The following TNFRSF11A variants were observed in gnomAD, a reference collection of about 807,000 sequenced individuals.
TNFRSF11A encodes TNF receptor superfamily member 11a, also known as tumor necrosis factor receptor superfamily member 11A.
In TNFRSF11A, 32 loss-of-function variants were observed where a neutral mutation model predicts 55.7. The ratio of observed to expected loss-of-function variants is 0.57; its 90% CI spans 0.43 to 0.77. The LOEUF (loss-of-function observed/expected upper bound fraction) is 0.77, where lower values mean the gene tolerates loss of function less well. Ranked by LOEUF, TNFRSF11A falls within the 30% of genes least tolerant of loss-of-function variation. The pLI is 0.00. For synonymous variants in TNFRSF11A, 311 were observed against 331.0 expected (o/e 0.94, Z 0.65); for missense variants, 753 against 809.8 (o/e 0.93, Z 0.85).
chr18:62,334,307 T>A (rs2145246208), intron 1 of TNFRSF11A, among the ~76,000 whole-genome samples: 1 of 152,308 alleles, frequency 6.6e-6, no homozygotes, highest in East Asian at 1.9e-4. Context: ...ATGTCTTGAA[T>A]CACCACCACT....
At chr18:62,366,603 C>G in intron 7 of TNFRSF11A, 105 bp from the exon 8 acceptor site, 2 of 1,205,612 alleles carry the variant, frequency 1.7e-6, no homozygotes, top group Non-Finnish European at 2.5e-6. Context: ...TATATTTGTC[C>G]TATAACATGT....
chr18:62,348,304 C>A, intron 2 of TNFRSF11A, 55 bp downstream of exon 2: 1 of 1,513,038 alleles, frequency 6.6e-7, no homozygotes, highest in South Asian at 1.1e-5. Flanking sequence ...GTGAGGCTTT[C>A]ATTATTTTTT....
At chr18:62,352,454 G>A (rs915398481) in intron 3 of TNFRSF11A, among the ~76,000 whole-genome samples, 4 of 152,226 alleles carry the variant, frequency 2.6e-5, no homozygotes, top group African/African-American at 9.6e-5. Flanking sequence ...ACTCCACTGA[G>A]CAGAAGCATC....
At chr18:62,375,543 C>T (rs574661345) in intron 9 of TNFRSF11A, among the ~76,000 whole-genome samples, 5 of 152,238 alleles carry the variant, frequency 3.3e-5, no homozygotes, top group African/African-American at 1.2e-4. Context: ...AAGATTGGTT[C>T]GATAGCCTGA....
At position 62,358,231 on chromosome 18, in the gene TNFRSF11A, T is replaced by TG. The variant is rs1353077181; in HGVS notation, c.428-17_428-16insG. 2 of 1,602,550 alleles carry TG rather than the reference T, an allele frequency of 1.2e-6. No individual in the cohort carries two copies. The highest frequency in any genetic ancestry group is 1.7e-6 in the Non-Finnish European group (2 of 1,178,606). On this transcript the variant is annotated splice_polypyrimidine_tract_variant and intron_variant, in intron 4 of 9. Coordinates refer to ENST00000586569, the MANE Select transcript of TNFRSF11A (RefSeq NM_003839.4). ...TGTTTGTTCTGTCTGGGTTGTTTTT[T>TG]TTTTTTTTTCTCACAGTGCAGCTCA...
Position 62,390,039 on chromosome 18 carries a change from C to T in TNFRSF11A, c.*5005C>T, listed in dbSNP as rs1271300792. The T allele has an allele frequency of 6.6e-6, 1 of 152,234 alleles. No individual in the cohort carries two copies. The highest frequency in any genetic ancestry group is 1.5e-5 in the Non-Finnish European group (1 of 68,070). The allele number at this position is 152,234 out of a possible 1,614,324, so 9.4% of individuals were successfully genotyped here. Reference sequence around the variant, plus strand: ...GACAACCAAGCACTCACTGGCAGTTCCTAGAAGATTCCAGTAGTAGAGATC... The same window carrying T: ...GACAACCAAGCACTCACTGGCAGTTTCTAGAAGATTCCAGTAGTAGAGATC... On this transcript the variant is annotated 3_prime_UTR_variant, in exon 10 of 10. Coordinates refer to ENST00000586569, the MANE Select transcript of TNFRSF11A (RefSeq NM_003839.4).
In TNFRSF11A at chr18:62,383,224, T is replaced by C. The variant is rs1911421790; in HGVS notation, c.1568-1527T>C. On this transcript the variant is annotated intron_variant, in intron 9 of 9. Transcript: ENST00000586569. The surrounding 1 kb of genome is among the most constrained non-coding windows in gnomAD (Gnocchi z 4.2). ...AGGCACAGACCTCCTTCCAGGACTTTGGATTTGTTGCTCATACTTGAAATC... is the reference window on the plus strand; with the variant it reads ...AGGCACAGACCTCCTTCCAGGACTTCGGATTTGTTGCTCATACTTGAAATC... Among the ~76,000 whole-genome samples the C allele has an allele frequency of 6.6e-6, 1 of 152,204 alleles. No individual in the cohort carries two copies. Among genetic ancestry groups the C allele is most frequent in the Non-Finnish European group, 1.5e-5 (1 of 68,034 alleles).
At chr18:62,372,593 T>C (rs1021554985) in intron 9 of TNFRSF11A, among the ~76,000 whole-genome samples, 1 of 152,126 alleles carries the variant, frequency 6.6e-6, no homozygotes, top group East Asian at 1.9e-4. Context: ...TGCTGAGTTT[T>C]GGGGTATGAC....
chr18:62,335,649 C>G (rs2046221728), intron 1 of TNFRSF11A, among the ~76,000 whole-genome samples: 1 of 152,180 alleles, frequency 6.6e-6, no homozygotes, highest in Admixed American at 6.5e-5. Context: ...GCCCCGTGTT[C>G]AGTCCTTATT....
At chr18:62,372,489 T>TTA (rs1555775389) in intron 9 of TNFRSF11A, among the ~76,000 whole-genome samples, 3 of 151,652 alleles carry the variant, frequency 2.0e-5, no homozygotes. Flanking sequence ...TTTTTTTTTT[T>TTA]ATCTTTTAAA....
chr18:62,362,455 A>C (rs1334833952), intron 7 of TNFRSF11A, among the ~76,000 whole-genome samples: 1 of 137,640 alleles, frequency 7.3e-6, no homozygotes, highest in Non-Finnish European at 1.5e-5. Context: ...ATGCCATTGC[A>C]CTCCAGCCTG....
At chr18:62,349,772 G>GT in intron 2 of TNFRSF11A, 40 bp from the exon 3 acceptor site, 1 of 1,612,118 alleles carries the variant, frequency 6.2e-7, no homozygotes, top group Non-Finnish European at 8.5e-7. Flanking sequence ...TTTTTGTTTG[G>GT]TTTTTTGATG....
At chr18:62,327,002 T>C (rs1246588262) in intron 1 of TNFRSF11A, among the ~76,000 whole-genome samples, 2 of 151,670 alleles carry the variant, frequency 1.3e-5, no homozygotes, top group African/African-American at 4.9e-5. Context: ...ATAGCATCCA[T>C]AGGGGCTTCT....
chr18:62,327,593 A>C (rs1302507299), intron 1 of TNFRSF11A, among the ~76,000 whole-genome samples: 1 of 152,184 alleles, frequency 6.6e-6, no homozygotes, highest in African/African-American at 2.4e-5. Context: ...AGCCTATTCC[A>C]TTAGCTCAAA....
chr18:62,325,437 G>A lies in TNFRSF11A; in HGVS notation c.75+10G>A. On this transcript the variant is annotated intron_variant, in intron 1 of 9. Coordinates refer to ENST00000586569, the MANE Select transcript of TNFRSF11A (RefSeq NM_003839.4). The surrounding 1 kb of genome is among the most constrained non-coding windows in gnomAD (Gnocchi z 4.7). ...GCTCGCCCGGCTGCAGGTAAGGAGCGCCCGCGCCTGCCGGGCCGCGCGGCC... is the reference window on the plus strand; with the variant it reads ...GCTCGCCCGGCTGCAGGTAAGGAGCACCCGCGCCTGCCGGGCCGCGCGGCC... 1 of 1,254,002 alleles carries A rather than the reference G, an allele frequency of 8.0e-7. No homozygotes were observed. Among genetic ancestry groups the A allele is most frequent in the Admixed American group, 3.3e-5 (1 of 29,866 alleles). The allele number at this position is 1,254,002 out of a possible 1,614,324, so 77.7% of individuals were successfully genotyped here.
chr18:62,341,744 G>A (rs1362629823), intron 1 of TNFRSF11A, among the ~76,000 whole-genome samples: 2 of 151,642 alleles, frequency 1.3e-5, no homozygotes, highest in Non-Finnish European at 2.9e-5. Flanking sequence ...ATCATGTATA[G>A]GAGTTCTCAC....
intron 4 of TNFRSF11A, among the ~76,000 whole-genome samples, chr18:62,357,525 G>A (rs181576672): frequency 4.6e-4 from 70 of 152,282 alleles, no homozygotes; most frequent in African/African-American, 1.6e-3. Context: ...ACACACCCTC[G>A]TGCATTGCTT....
At chr18:62,331,746 A>T (rs1253494497) in intron 1 of TNFRSF11A, among the ~76,000 whole-genome samples, 1 of 152,246 alleles carries the variant, frequency 6.6e-6, no homozygotes, top group East Asian at 1.9e-4. Context: ...TTTATGTTGG[A>T]CCAAGAGCTG....
In TNFRSF11A at chr18:62,358,233, T is replaced by A; in HGVS notation, c.428-15T>A. 8 of 1,603,298 alleles carry A rather than the reference T, an allele frequency of 5.0e-6. No individual in the cohort carries two copies. Among genetic ancestry groups the A allele is most frequent in the Non-Finnish European group, 6.8e-6 (8 of 1,178,998 alleles). On this transcript the variant is annotated splice_polypyrimidine_tract_variant and intron_variant, in intron 4 of 9. Coordinates refer to ENST00000586569, the MANE Select transcript of TNFRSF11A (RefSeq NM_003839.4). ...TTTGTTCTGTCTGGGTTGTTTTTTT[T>A]TTTTTTTCTCACAGTGCAGCTCAAC...
Sources: gnomAD v4.1 joint callset for allele counts (sites outside exome capture counted in the v4.1 genomes callset) on GRCh38, gnomAD v4.1.1 for gene constraint, Gnocchi (gnomAD v3.1) non-coding constraint, MANE v1.5 for transcripts, NCBI Gene and HGNC (gene_info 2026-07-23, HGNC 2026-07-21) for gene names.